ALPK3: variants seen among roughly 807,000 people sequenced by gnomAD.
ALPK3 encodes alpha-protein kinase 3.
A neutral mutation model predicts 140.0 loss-of-function variants in ALPK3; 102 were observed. That is an observed-to-expected ratio of 0.73 (90% CI 0.62 to 0.86). The LOEUF (loss-of-function observed/expected upper bound fraction) is 0.86, where lower values mean the gene tolerates loss of function less well. Ranked by LOEUF, ALPK3 falls within the 40% of genes least tolerant of loss-of-function variation. The pLI is 0.00. For missense variants in ALPK3, 2,254 were observed against 2,208.2 expected (o/e 1.02, Z -0.42); for synonymous variants, 938 against 898.5 (o/e 1.04, Z -0.79).
Position 84,840,262 on chromosome 15 carries a change from G to A in ALPK3, c.983G>A (p.Arg328Gln), listed in dbSNP as rs1343260515. ...KKDEESKQGL[R>Q]KPELEKAAQS... ...GATGAGGAATCCAAGCAAGGCCTGC[G>A]GAAGCCAGAGTTAGAGAAGGCAGCC... Residue 328 changes from arginine to glutamine, a missense_variant, in exon 5 of 14, where the codon CGG becomes CAG. Around this residue, in one of 3 missense-constraint regions of ALPK3, gnomAD observed 2,088 missense variants for 2,022.9 expected, o/e 1.03. Coordinates refer to ENST00000258888, the MANE Select transcript of ALPK3 (RefSeq NM_020778.5). 19 of 1,613,754 alleles carry A rather than the reference G, an allele frequency of 1.2e-5. No homozygotes were observed. The Admixed American group carries it at 2.8e-4, about 24-fold the overall frequency.
chr15:84,862,979 A>G, intron 10 of ALPK3, 64 bp downstream of exon 10: 1 of 1,563,328 alleles, frequency 6.4e-7, no homozygotes, highest in Non-Finnish European at 8.7e-7. Context: ...TTCCCAGCCC[A>G]GGTCCTGTTA....
intron 2 of ALPK3, 99 bp downstream of exon 2, chr15:84,823,467 T>C (rs984752409): frequency 2.2e-6 from 3 of 1,345,438 alleles, no homozygotes; most frequent in African/African-American, 1.4e-5. Flanking sequence ...CCAGGCTGCA[T>C]GGGGTGAGGG....
chr15:84,856,681 G>C lies in ALPK3; in HGVS notation c.1943G>C (p.Ser648Thr), dbSNP rs754100615. 2 of 1,614,064 alleles carry C rather than the reference G, an allele frequency of 1.2e-6. No individual in the cohort carries two copies. The part of the protein sequence containing the change: ...KTQVDAGTQE[S>T]KRPQSDRSAQ... ...CAGGTGGATGCTGGGACACAAGAAAGCAAGAGGCCACAGTCAGACAGGAGT... is the reference window on the plus strand; with the variant it reads ...CAGGTGGATGCTGGGACACAAGAAACCAAGAGGCCACAGTCAGACAGGAGT... Residue 648 changes from serine (S) to threonine (T), a missense_variant, in exon 6 of 14, where the codon AGC (serine) becomes ACC (threonine). This residue lies in a region of ALPK3 where 2,088 missense variants were observed against 2,022.9 expected (regional missense o/e 1.03). Coordinates refer to ENST00000258888, the MANE Select transcript of ALPK3 (RefSeq NM_020778.5).
In ALPK3 at chr15:84,845,943, C is replaced by T. The variant is rs550609149; in HGVS notation, c.1653+5011C>T. On this transcript the variant is annotated intron_variant, in intron 5 of 13. Transcript: ENST00000258888. ...GGCATAGTGGCACATGCCTGTAGTC[C>T]CACCTACTCGGGAGGCTGAGGTGGG... Among the ~76,000 whole-genome samples, 9 of 152,250 alleles carry T rather than the reference C, an allele frequency of 5.9e-5. No individual in the cohort carries two copies. In the East Asian group the frequency reaches 1.7e-3, roughly 29 times the overall value.
intron 1 of ALPK3, among the ~76,000 whole-genome samples, chr15:84,818,738 C>T (rs372841904): frequency 1.2e-3 from 185 of 152,282 alleles, no homozygotes; most frequent in African/African-American, 4.1e-3. Context: ...GCATAAAACT[C>T]GTCAAATGGT....
chr15:84,844,564 A>G (rs565994722), intron 5 of ALPK3, among the ~76,000 whole-genome samples: 1 of 152,252 alleles, frequency 6.6e-6, no homozygotes, highest in African/African-American at 2.4e-5. Flanking sequence ...GAAACTATAA[A>G]AAGTGGAAAA....
At chr15:84,819,515 G>A (rs1457620639) in intron 1 of ALPK3, among the ~76,000 whole-genome samples, 1 of 152,194 alleles carries the variant, frequency 6.6e-6, no homozygotes, top group African/African-American at 2.4e-5. Context: ...TGGAGGAGGC[G>A]AGGCAGTTCC....
At chr15:84,838,438 A>G (rs1596149093) in intron 3 of ALPK3, among the ~76,000 whole-genome samples, 1 of 152,046 alleles carries the variant, frequency 6.6e-6, no homozygotes, top group East Asian at 1.9e-4. Flanking sequence ...TTTCCTTCCT[A>G]TTGCTGAAGG....
At chr15:84,845,073 G>A (rs1373261103) in intron 5 of ALPK3, among the ~76,000 whole-genome samples, 3 of 151,646 alleles carry the variant, frequency 2.0e-5, no homozygotes, top group African/African-American at 7.3e-5. Context: ...GCAAATAGTC[G>A]CAGACAGATT....
rs751981949 is a variant in ALPK3 at position 84,857,910 on chromosome 15, GC to G, written c.3175del (p.Arg1059GlufsTer18). 2 of 1,611,342 alleles carry G rather than the reference GC, an allele frequency of 1.2e-6. No individual in the cohort carries two copies. Among genetic ancestry groups the G allele is most frequent in the South Asian group, 1.1e-5 (1 of 90,792 alleles). On this transcript the variant is annotated frameshift_variant, in exon 6 of 14. Transcript: ENST00000258888. LOFTEE classifies it high-confidence loss of function. ...GGCTGGCCGCCAGGCCCTTGCTGCT[GC>G]CCGAGGCTCCTGGGGTCCTGGTCCC... The part of the protein sequence containing the change: ...VQAGRQALAA[A>X]RGSWGPGPSS...
chr15:84,864,677 T>C lies in ALPK3; in HGVS notation c.4723+12T>C. 1 of 1,612,500 alleles carries C rather than the reference T, an allele frequency of 6.2e-7. No individual in the cohort carries two copies. Among genetic ancestry groups the C allele is most frequent in the South Asian group, 1.1e-5 (1 of 91,030 alleles). On this transcript the variant is annotated intron_variant, in intron 12 of 13. Transcript: ENST00000258888. Reference sequence around the variant, plus strand: ...CACAGACTTGGCAGGTACGAGGGTGTGAGGGTGCACGGGTACGCATGTGCA... The same window carrying C: ...CACAGACTTGGCAGGTACGAGGGTGCGAGGGTGCACGGGTACGCATGTGCA...
chr15:84,858,387 CA>C lies in ALPK3; in HGVS notation c.3650del (p.Gln1217ArgfsTer55). 2 of 1,554,786 alleles carry C rather than the reference CA, an allele frequency of 1.3e-6. No individual in the cohort carries two copies. The highest frequency in any genetic ancestry group is 1.7e-6 in the Non-Finnish European group (2 of 1,150,994). On this transcript the variant is annotated frameshift_variant, in exon 6 of 14. Transcript: ENST00000258888. LOFTEE classifies it high-confidence loss of function. The part of the protein sequence containing the change: ...TPGRERRSPT[Q>X]GRKASMLEVP... ...AGGGCGGGAGAGACGCTCCCCTACG[CA>C]GGGCAGAAAGGCGAGCATGCTGGAG...
chr15:84,861,592 A>G (rs946864107), intron 9 of ALPK3, among the ~76,000 whole-genome samples: 1 of 152,234 alleles, frequency 6.6e-6, no homozygotes, highest in Non-Finnish European at 1.5e-5. Flanking sequence ...TTATTGCCTA[A>G]ATCTATTATT....
rs1355383606 is a variant in ALPK3, at chr15:84,870,369, C to G, written c.*1913C>G. 6.6e-6 allele frequency: 1 copy of G among 152,232 alleles called. No individual in the cohort carries two copies. Among genetic ancestry groups the G allele is most frequent in the Admixed American group, 6.5e-5 (1 of 15,286 alleles). The allele number at this position is 152,232 out of a possible 1,614,324, so 9.4% of individuals were successfully genotyped here. A position where few individuals can be genotyped will look rare whatever the true frequency, so the allele number is the denominator to read the frequency against. The stretch of plus-strand genomic sequence containing the variant: ...CTGTTCATTCATTTATTCATTCACC[C>G]ACTCATTCAGCAGACATATACTGAG... On this transcript the variant is annotated 3_prime_UTR_variant, in exon 14 of 14. Transcript: ENST00000258888.
intron 3 of ALPK3, among the ~76,000 whole-genome samples, chr15:84,833,063 A>T (rs1429580253): frequency 1.3e-5 from 2 of 152,200 alleles, no homozygotes; most frequent in Non-Finnish European, 2.9e-5. Context: ...GCCACATCTC[A>T]TGATGACCAG....
At chr15:84,836,588 T>G (rs1006274992) in intron 3 of ALPK3, among the ~76,000 whole-genome samples, 12 of 152,190 alleles carry the variant, frequency 7.9e-5, no homozygotes. Flanking sequence ...GAGCCAAATA[T>G]AGGGATGAAG....
Position 84,859,940 on chromosome 15 carries a change from C to T in ALPK3, c.4093+37C>T, listed in dbSNP as rs150130260. The T allele has an allele frequency of 2.1e-3, 3,357 of 1,613,888 alleles. 43 individuals are homozygous for T. The highest frequency in any genetic ancestry group is 0.016 in the Admixed American group (960 of 60,020). Reference sequence around the variant, plus strand: ...CCGCGGCCCGGGGTCTCAGCCTGGCCTGGCTCCTGGTGGGTGGGCAGCAGT... The same window carrying T: ...CCGCGGCCCGGGGTCTCAGCCTGGCTTGGCTCCTGGTGGGTGGGCAGCAGT... On this transcript the variant is annotated intron_variant, in intron 8 of 13. Transcript: ENST00000258888.
chr15:84,852,686 A>G (rs1235568670), intron 5 of ALPK3: 1 of 183,674 alleles, frequency 5.4e-6, no homozygotes, highest in Non-Finnish European at 1.1e-5. Context: ...GGCCACAGTT[A>G]ACTGAAACCA....
chr15:84,847,990 AG>A (rs1963752108), intron 5 of ALPK3, among the ~76,000 whole-genome samples: 1 of 151,960 alleles, frequency 6.6e-6, no homozygotes. Flanking sequence ...TGAACCTAGG[AG>A]GCAGAGGTTG....
Sources: gnomAD v4.1 joint callset for allele counts (sites outside exome capture counted in the v4.1 genomes callset) on GRCh38, gnomAD v4.1.1 for gene constraint, gnomAD v4.1.1 regional missense constraint, MANE v1.5 for transcripts, NCBI Gene and HGNC (gene_info 2026-07-23, HGNC 2026-07-21) for gene names.